The following TMOD3 variants were observed in gnomAD, a reference collection of about 807,000 sequenced individuals.
The protein encoded by TMOD3 is tropomodulin-3.
TMOD3 carries 20 observed loss-of-function variants against 39.2 expected under a neutral mutation model. The ratio of observed to expected loss-of-function variants is 0.51; its 90% CI spans 0.36 to 0.74. The LOEUF (loss-of-function observed/expected upper bound fraction) is 0.74. TMOD3 is among the 30% of genes least tolerant of loss of function. The pLI is 0.00. For missense variants in TMOD3, 381 were observed against 412.8 expected (o/e 0.92, Z 0.67); for synonymous variants, 143 against 145.8 (o/e 0.98, Z 0.14).
At chr15:51,893,523 T>C (rs1478171048) in intron 5 of TMOD3, among the ~76,000 whole-genome samples, 7 of 151,950 alleles carry the variant, frequency 4.6e-5, no homozygotes, top group Non-Finnish European at 1.0e-4. Flanking sequence ...TCCCAGCACT[T>C]TGGGAGGCTG....
At chr15:51,857,320 T>C (rs1417462133) in intron 1 of TMOD3, among the ~76,000 whole-genome samples, 2 of 152,210 alleles carry the variant, frequency 1.3e-5, no homozygotes, top group Non-Finnish European at 1.5e-5. Context: ...GTATTAGTAA[T>C]GTTTTCTCTT....
intron 6 of TMOD3, 145 bp downstream of exon 6, chr15:51,894,090 C>A: frequency 1.7e-6 from 1 of 594,712 alleles, no homozygotes; most frequent in Non-Finnish European, 2.6e-6. Context: ...TAGGTTTCTT[C>A]ATATTTTAGA....
In TMOD3 at chr15:51,908,838, C is replaced by T; in HGVS notation, c.*28C>T. 6.3e-7 allele frequency: 1 copy of T among 1,586,790 alleles called. No homozygotes were observed. The highest frequency in any genetic ancestry group is 2.3e-5 in the East Asian group (1 of 43,984). ...CTGCAAAGGTGTAATCTTTGGAAGA[C>T]TTCAGAAGATCACCAAGGGCTCATG... On this transcript the variant is annotated 3_prime_UTR_variant, in exon 10 of 10. Transcript: ENST00000308580.
At chr15:51,896,899 G>A (rs1195284064) in intron 7 of TMOD3, among the ~76,000 whole-genome samples, 1 of 152,114 alleles carries the variant, frequency 6.6e-6, no homozygotes, top group South Asian at 2.1e-4. Flanking sequence ...CCTTAGTGGT[G>A]GATTTTTGTT....
At chr15:51,860,983 CT>C in intron 1 of TMOD3, 3 of 560,604 alleles carry the variant, frequency 5.4e-6, no homozygotes, top group Admixed American at 2.2e-5. Flanking sequence ...TGAACATCGT[CT>C]TTCCTCTTTG....
intron 1 of TMOD3, among the ~76,000 whole-genome samples, chr15:51,857,747 CAG>C (rs1376622936): frequency 6.6e-6 from 1 of 151,636 alleles, no homozygotes; most frequent in African/African-American, 2.4e-5. Context: ...ACTTTTAAAA[CAG>C]TAATTATCCA....
At chr15:51,857,700 A>G (rs2141680161) in intron 1 of TMOD3, among the ~76,000 whole-genome samples, 1 of 152,286 alleles carries the variant, frequency 6.6e-6, no homozygotes, top group South Asian at 2.1e-4. Flanking sequence ...TGGCTTATGT[A>G]CTGAAAATTT....
At chr15:51,835,104 G>A (rs2056275916) in intron 1 of TMOD3, 1 of 152,158 alleles carries the variant, frequency 6.6e-6, no homozygotes, top group African/African-American at 2.4e-5. Flanking sequence ...TCGAGTTAAT[G>A]GAGACAACCT....
chr15:51,837,348 T>C (rs1193988105), intron 1 of TMOD3, among the ~76,000 whole-genome samples: 1 of 152,010 alleles, frequency 6.6e-6, no homozygotes, highest in South Asian at 2.1e-4. Context: ...TGACAAGATA[T>C]GATACAACCC....
At chr15:51,837,874 C>T (rs903681924) in intron 1 of TMOD3, among the ~76,000 whole-genome samples, 1 of 152,194 alleles carries the variant, frequency 6.6e-6, no homozygotes, top group South Asian at 2.1e-4. Context: ...CCTCCTACCT[C>T]AGAAGAAACT....
intron 9 of TMOD3, 48 bp from the exon 10 acceptor site, chr15:51,908,728 A>G: frequency 6.6e-7 from 1 of 1,521,370 alleles, no homozygotes; most frequent in Non-Finnish European, 8.9e-7. Flanking sequence ...TTACCATTGT[A>G]AAAACTAATA....
At chr15:51,854,099 C>T (rs2056376552) in intron 1 of TMOD3, among the ~76,000 whole-genome samples, 2 of 152,164 alleles carry the variant, frequency 1.3e-5, no homozygotes, top group South Asian at 2.1e-4. Flanking sequence ...GGACCAGCTT[C>T]TCTGAACTGT....
At chr15:51,836,101 C>A (rs2056281483) in intron 1 of TMOD3, among the ~76,000 whole-genome samples, 2 of 152,084 alleles carry the variant, frequency 1.3e-5, no homozygotes, top group African/African-American at 2.4e-5. Flanking sequence ...TTTCCTTATT[C>A]ATTCCTTCCC....
Position 51,908,933 on chromosome 15 carries a change from AT to A in TMOD3, c.*133del, listed in dbSNP as rs375099937. 2,942 of 496,342 alleles carry A rather than the reference AT, an allele frequency of 5.9e-3. 1 individual carries two copies. Among genetic ancestry groups the A allele is most frequent in the South Asian group, 0.01 (232 of 22,714 alleles). 30.7% of individuals were successfully genotyped at this position (496,342 alleles called of 1,614,324 possible). ...TGGAAAAATTTTTTTAGTGACATGC[AT>A]TTTTTTTTTAGTTGTTATCAAATTG... On this transcript the variant is annotated 3_prime_UTR_variant, in exon 10 of 10. Coordinates refer to ENST00000308580, the MANE Select transcript of TMOD3 (RefSeq NM_014547.5).
At chr15:51,878,376 A>ATATGTGTG (rs112690572) in intron 3 of TMOD3, among the ~76,000 whole-genome samples, 1 of 147,318 alleles carries the variant, frequency 6.8e-6, no homozygotes, top group Non-Finnish European at 1.5e-5. Context: ...TTTAAAATAT[A>ATATGTGTG]TGTGTGTGTG....
chr15:51,832,203 T>TTATATATATATATA (rs3985812), intron 1 of TMOD3, among the ~76,000 whole-genome samples: 1,108 of 79,226 alleles, frequency 0.014, 80 homozygotes, highest in Non-Finnish European at 0.021. Context: ...AGAAAAAAAA[T>TTATATATATATATA]TATATATATA....
chr15:51,874,968 G>A (rs1287805059), intron 3 of TMOD3: 1 of 152,110 alleles, frequency 6.6e-6, no homozygotes, highest in South Asian at 2.1e-4. Context: ...CCTATCCTGA[G>A]AATGGAATGC....
intron 1 of TMOD3, among the ~76,000 whole-genome samples, chr15:51,858,692 A>G (rs888775600): frequency 6.6e-6 from 1 of 152,122 alleles, no homozygotes; most frequent in African/African-American, 2.4e-5. Flanking sequence ...AACCAACAAA[A>G]CTGTACTTTC....
In TMOD3 at chr15:51,909,487, A is replaced by G. The variant is rs2056699208; in HGVS notation, c.*677A>G. Reference sequence around the variant, plus strand: ...CAGGTTACATACTTTATTTAAAAGTATAGTGAGGTCGAAGTTCATTCCAGT... The same window carrying G: ...CAGGTTACATACTTTATTTAAAAGTGTAGTGAGGTCGAAGTTCATTCCAGT... On this transcript the variant is annotated 3_prime_UTR_variant, in exon 10 of 10. Transcript: ENST00000308580. 6.6e-6 allele frequency: 1 copy of G among 152,670 alleles called. No individual in the cohort carries two copies. The highest frequency in any genetic ancestry group is 1.5e-5 in the Non-Finnish European group (1 of 68,038). The allele number at this position is 152,670 out of a possible 1,614,324, so 9.5% of individuals were successfully genotyped here. A position where few individuals can be genotyped will look rare whatever the true frequency, so the allele number is the denominator to read the frequency against.
Sources: gnomAD v4.1 joint callset for allele counts (sites outside exome capture counted in the v4.1 genomes callset) on GRCh38, gnomAD v4.1.1 for gene constraint, MANE v1.5 for transcripts, NCBI Gene and HGNC (gene_info 2026-07-23, HGNC 2026-07-21) for gene names.